NRXN3: variants seen among roughly 807,000 people sequenced by gnomAD.
NRXN3 encodes the protein neurexin III.
In NRXN3, 32 loss-of-function variants were observed where a neutral mutation model predicts 137.6. The observed-to-expected ratio is 0.23, with a 90% CI of 0.18 to 0.31. The LOEUF is 0.31. Among genes scored for constraint, NRXN3 ranks in the 10% least tolerant of loss-of-function variants. NRXN3 has a pLI of 1.00. For synonymous variants in NRXN3, 798 were observed against 784.5 expected, an observed-to-expected ratio of 1.02 and a Z score of -0.29; for missense variants, 1,574 against 2,062.5, an observed-to-expected ratio of 0.76 and a Z score of 4.59.
At chr14:79,604,041 C>T (rs1303888541) in intron 16 of NRXN3, among the ~76,000 whole-genome samples, 1 of 151,950 alleles carries the variant, frequency 6.6e-6, no homozygotes, top group Non-Finnish European at 1.5e-5. Context: ...GTCCCCACCA[C>T]CACGCCCAGA....
chr14:79,019,900 G>C (rs2099585845), intron 15 of NRXN3, among the ~76,000 whole-genome samples: 1 of 152,010 alleles, frequency 6.6e-6, no homozygotes, highest in African/African-American at 2.4e-5. Context: ...GATTGAAAGG[G>C]GAGTTAGACT....
In NRXN3 at chr14:79,861,775, C is replaced by T; in HGVS notation, c.4527C>T (p.Cys1509=). Reference sequence around the variant, plus strand: ...GCATTGTGGCTGCTGCCGCCCTCTGCATCTTGATCCTCCTGTACGCCATGT... The same window carrying T: ...GCATTGTGGCTGCTGCCGCCCTCTGTATCTTGATCCTCCTGTACGCCATGT... ...VVGIVAAAAL[C]ILILLYAMYK... is the part of the protein sequence containing the mutation. Residue 1509 remains cysteine (C), a synonymous_variant, in exon 21 of 21, where the codon TGC becomes TGT. Coordinates refer to ENST00000335750, the MANE Select transcript of NRXN3 (RefSeq NM_001330195.2). The surrounding 1 kb of genome is among the most constrained non-coding windows in gnomAD (Gnocchi z 5.4). 1 of 1,614,088 alleles carries T rather than the reference C, an allele frequency of 6.2e-7. No homozygotes were observed. The highest frequency in any genetic ancestry group is 8.5e-7 in the Non-Finnish European group (1 of 1,180,028).
intron 15 of NRXN3, among the ~76,000 whole-genome samples, chr14:79,264,926 T>C (rs2078212856): frequency 6.6e-6 from 1 of 152,086 alleles, no homozygotes; most frequent in Non-Finnish European, 1.5e-5. Flanking sequence ...GTTACAGAGG[T>C]TTATTTAGTA....
intron 4 of NRXN3, among the ~76,000 whole-genome samples, chr14:78,404,074 A>G (rs1483344733): frequency 2.0e-5 from 3 of 152,138 alleles, no homozygotes; most frequent in East Asian, 3.9e-4. Context: ...ACCAAAAGAA[A>G]GGGAAGGGGA....
chr14:78,314,986 CCTTTCTCTTT>C (rs2078513972), intron 4 of NRXN3, among the ~76,000 whole-genome samples: 1 of 84,530 alleles, frequency 1.2e-5, no homozygotes, highest in African/African-American at 6.4e-5. Context: ...TTCCTTCCTT[CCTTTCTCTTT>C]CTTTCTTTCT....
At position 78,550,274 on chromosome 14, in the gene NRXN3, C is replaced by A. The variant is rs549683503; in HGVS notation, c.758-94846C>A. Among the ~76,000 whole-genome samples, 14 of 152,232 alleles carry A rather than the reference C, an allele frequency of 9.2e-5. No homozygotes were observed. The South Asian group carries it at 2.9e-3, about 32-fold the overall frequency. ...GGAATTCCTGGACTTAAGTGATCCA[C>A]GTGCTTCTGCCTCCCACAGTGCTGG... On this transcript the variant is annotated intron_variant, in intron 4 of 20. Transcript: ENST00000335750.
Position 79,864,299 on chromosome 14 carries a change from G to C in NRXN3, c.*2335G>C, listed in dbSNP as rs1463220707. 3 of 152,598 alleles carry C rather than the reference G, an allele frequency of 2.0e-5. No individual in the cohort carries two copies. The highest frequency in any genetic ancestry group is 4.4e-5 in the Non-Finnish European group (3 of 68,026). 9.5% of individuals were successfully genotyped at this position (152,598 alleles called of 1,614,324 possible). A position where few individuals can be genotyped will look rare whatever the true frequency, so the allele number is the denominator to read the frequency against. On this transcript the variant is annotated 3_prime_UTR_variant, in exon 21 of 21. Transcript: ENST00000335750. ...CTATCATATTCCTGTTTTATTAGCA[G>C]AACCTAAAGGAATTTATTTAATGAT... is the stretch of plus-strand genomic sequence containing the variant.
intron 10 of NRXN3, among the ~76,000 whole-genome samples, chr14:78,847,808 A>T (rs1240383096): frequency 6.6e-6 from 1 of 152,118 alleles, no homozygotes. Context: ...TTGGAGAACC[A>T]GGTGTCAGCT....
At chr14:79,648,820 A>G (rs1389665847) in intron 16 of NRXN3, among the ~76,000 whole-genome samples, 1 of 152,094 alleles carries the variant, frequency 6.6e-6, no homozygotes, top group African/African-American at 2.4e-5. Flanking sequence ...TGGTGAGCAG[A>G]GTTGGCGTGG....
At chr14:78,207,348 G>A (rs1427962406) in intron 1 of NRXN3, among the ~76,000 whole-genome samples, 1 of 152,058 alleles carries the variant, frequency 6.6e-6, no homozygotes, top group Non-Finnish European at 1.5e-5. Flanking sequence ...TTCTCTCTGT[G>A]ATATCTTTTC....
chr14:78,506,029 G>T (rs921269232), intron 4 of NRXN3, among the ~76,000 whole-genome samples: 1 of 152,080 alleles, frequency 6.6e-6, no homozygotes. Context: ...ACTTTGAAGT[G>T]CTCAATACCA....
At chr14:78,964,038 G>A (rs1242679458) in intron 11 of NRXN3, among the ~76,000 whole-genome samples, 1 of 151,970 alleles carries the variant, frequency 6.6e-6, no homozygotes, top group East Asian at 1.9e-4. Context: ...CAAAGTGCTG[G>A]GATTACAGGC....
At chr14:79,470,579 A>G (rs1172504172) in intron 16 of NRXN3, among the ~76,000 whole-genome samples, 1 of 152,200 alleles carries the variant, frequency 6.6e-6, no homozygotes, top group African/African-American at 2.4e-5. Flanking sequence ...AGTTTCCAGC[A>G]CATGGAATTT....
chr14:78,825,405 G>A (rs1349397793), intron 10 of NRXN3, among the ~76,000 whole-genome samples: 2 of 152,074 alleles, frequency 1.3e-5, no homozygotes, highest in East Asian at 3.9e-4. Flanking sequence ...AACCTGCTCT[G>A]CTATTAATTA....
chr14:78,188,358 G>A (rs974257424), intron 1 of NRXN3, among the ~76,000 whole-genome samples: 4 of 152,204 alleles, frequency 2.6e-5, no homozygotes, highest in African/African-American at 7.2e-5. Context: ...CCCACCTGGA[G>A]CGCAGATGTG....
chr14:78,483,363 A>C (rs746800757), intron 4 of NRXN3, among the ~76,000 whole-genome samples: 4 of 152,214 alleles, frequency 2.6e-5, no homozygotes, highest in Non-Finnish European at 5.9e-5. Flanking sequence ...TAATTAGCTC[A>C]GTGTCACAGC....
intron 8 of NRXN3, among the ~76,000 whole-genome samples, chr14:78,746,290 C>G (rs1049565785): frequency 6.6e-6 from 1 of 152,174 alleles, no homozygotes; most frequent in African/African-American, 2.4e-5. Flanking sequence ...GGCGTCATCT[C>G]AGAGCTGCCA....
At chr14:79,361,991 T>TTTATAA (rs1555399848) in intron 15 of NRXN3, among the ~76,000 whole-genome samples, 5 of 94,056 alleles carry the variant, frequency 5.3e-5, no homozygotes, top group Non-Finnish European at 1.1e-4. Context: ...TCATTCTACT[T>TTTATAA]TTATAATTAT....
intron 6 of NRXN3, among the ~76,000 whole-genome samples, chr14:78,692,012 T>C (rs1372688655): frequency 1.3e-5 from 2 of 152,178 alleles, no homozygotes; most frequent in Non-Finnish European, 2.9e-5. Context: ...GTTTGAAAAC[T>C]CTGGGCCTAT....
Sources: gnomAD v4.1 joint callset for allele counts (sites outside exome capture counted in the v4.1 genomes callset) on GRCh38, gnomAD v4.1.1 for gene constraint, Gnocchi (gnomAD v3.1) non-coding constraint, MANE v1.5 for transcripts, NCBI Gene and HGNC (gene_info 2026-07-23, HGNC 2026-07-21) for gene names.